The following NAALADL2 variants were observed in gnomAD, a reference collection of about 807,000 sequenced individuals.
The protein encoded by NAALADL2 is inactive N-acetylated-alpha-linked acidic dipeptidase-like protein 2.
NAALADL2 carries 76 observed loss-of-function variants against 87.2 expected under a neutral mutation model. That is an observed-to-expected ratio of 0.87 (90% CI 0.72 to 1.05). The LOEUF (loss-of-function observed/expected upper bound fraction) is 1.05, where lower values mean the gene tolerates loss of function less well. Ranked by LOEUF, NAALADL2 falls within the 50% of genes least tolerant of loss-of-function variation. The probability of loss-of-function intolerance (pLI) is 0.00; values close to 1 mark genes in which losing one functional copy is unlikely to be tolerated. For synonymous variants in NAALADL2, 354 were observed against 331.0 expected, an observed-to-expected ratio of 1.07 and a Z score of -0.75; for missense variants, 1,089 against 945.8, an observed-to-expected ratio of 1.15 and a Z score of -1.99.
rs57195579 is a variant in NAALADL2, at chr3:174,589,857, G to GT, written c.-115+39232dup. On this transcript the variant is annotated intron_variant, in intron 2 of 3. Coordinates refer to the NAALADL2 transcript ENST00000434257. ...GTAATAGGGTTGTTGTTGTTGCTGT[G>GT]TTTTTTTTTTTTGAAAAAAGTCATA... Among the ~76,000 whole-genome samples, 1,043 of 136,278 alleles carry GT rather than the reference G, an allele frequency of 7.7e-3. 5 individuals carry two copies. The highest frequency in any genetic ancestry group is 0.021 in the African/African-American group (797 of 37,334). 89.4% of individuals were successfully genotyped at this position (136,278 alleles called of 152,430 possible). A position where few individuals can be genotyped will look rare whatever the true frequency, so the allele number is the denominator to read the frequency against.
chr3:174,930,110 A>G (rs960835669), intron 1 of NAALADL2, among the ~76,000 whole-genome samples: 2 of 152,190 alleles, frequency 1.3e-5, no homozygotes, highest in Non-Finnish European at 2.9e-5. Flanking sequence ...GACATAATTG[A>G]GGGAAGGCTC....
chr3:175,326,877 G>A (rs1322565732), intron 5 of NAALADL2, among the ~76,000 whole-genome samples: 1 of 152,034 alleles, frequency 6.6e-6, no homozygotes, highest in African/African-American at 2.4e-5. Flanking sequence ...GGTTACTTTG[G>A]GGATCAAGTT....
intron 4 of NAALADL2, among the ~76,000 whole-genome samples, chr3:175,302,683 G>C (rs757693630): frequency 6.6e-6 from 1 of 151,984 alleles, no homozygotes; most frequent in Non-Finnish European, 1.5e-5. Context: ...CTATTTTCTA[G>C]TATAGTACAG....
chr3:174,748,519 G>A (rs746574382), intron 3 of NAALADL2, among the ~76,000 whole-genome samples: 1 of 152,148 alleles, frequency 6.6e-6, no homozygotes, highest in African/African-American at 2.4e-5. Context: ...AACTGTAAGG[G>A]AATAAATTCA....
Position 175,652,310 on chromosome 3 carries a change from A to G in NAALADL2, c.1896+24924A>G, listed in dbSNP as rs969672712. On this transcript the variant is annotated intron_variant, in intron 11 of 13. Transcript: ENST00000454872. ...CCAGGATGAATGAAATGTTTAAGAC[A>G]TATTTATTTTGCACGAGTTTAAATT... 6.6e-5 allele frequency among the ~76,000 whole-genome samples: 10 copies of G among 152,114 alleles called. 1 individual carries two copies. Among genetic ancestry groups the G allele is most frequent in the Admixed American group, 2.0e-4 (3 of 15,248 alleles).
At chr3:174,757,526 C>G (rs1311745217) in intron 3 of NAALADL2, among the ~76,000 whole-genome samples, 1 of 151,760 alleles carries the variant, frequency 6.6e-6, no homozygotes, top group East Asian at 1.9e-4. Flanking sequence ...GAGTCTCGCT[C>G]TGTCGCCCAG....
chr3:175,312,095 A>C (rs1274007308), intron 4 of NAALADL2, among the ~76,000 whole-genome samples: 1 of 152,184 alleles, frequency 6.6e-6, no homozygotes, highest in Non-Finnish European at 1.5e-5. Flanking sequence ...ATCTTACAAG[A>C]ATTTTTAGTG....
chr3:174,575,921 A>G (rs1371833753), intron 2 of NAALADL2, among the ~76,000 whole-genome samples: 1 of 152,000 alleles, frequency 6.6e-6, no homozygotes, highest in Non-Finnish European at 1.5e-5. Flanking sequence ...CTGGAGTGCA[A>G]TGTGCGATCT....
At chr3:175,760,043 G>A (rs191358951) in intron 13 of NAALADL2, among the ~76,000 whole-genome samples, 2 of 152,216 alleles carry the variant, frequency 1.3e-5, no homozygotes, top group East Asian at 1.9e-4. Flanking sequence ...GGAAAGGCAC[G>A]GGGTGAAAAG....
chr3:175,166,979 C>T (rs895908985), intron 2 of NAALADL2, among the ~76,000 whole-genome samples: 1 of 152,024 alleles, frequency 6.6e-6, no homozygotes, highest in East Asian at 1.9e-4. Flanking sequence ...TAAATGTGGC[C>T]TGAATATGCT....
chr3:175,118,254 A>G (rs1400550126), intron 2 of NAALADL2, among the ~76,000 whole-genome samples: 1 of 151,820 alleles, frequency 6.6e-6, no homozygotes. Flanking sequence ...AACTTAAAGT[A>G]TAATAATAAT....
intron 5 of NAALADL2, among the ~76,000 whole-genome samples, chr3:175,337,848 G>A (rs1762151185): frequency 6.6e-6 from 1 of 152,128 alleles, no homozygotes; most frequent in Non-Finnish European, 1.5e-5. Context: ...ACTATTAGAT[G>A]TTTCACTAGT....
chr3:175,284,568 T>TTTG (rs1358509398), intron 4 of NAALADL2, among the ~76,000 whole-genome samples: 1 of 152,102 alleles, frequency 6.6e-6, no homozygotes, highest in Non-Finnish European at 1.5e-5. Context: ...ATTTGTTTTC[T>TTTG]TTGTCTCTTA....
intron 3 of NAALADL2, among the ~76,000 whole-genome samples, chr3:174,831,663 G>T (rs1025543284): frequency 2.6e-5 from 4 of 151,110 alleles, no homozygotes; most frequent in African/African-American, 4.9e-5. Flanking sequence ...CTATTGATTG[G>T]AATAGTTTCA....
chr3:175,612,065 C>T (rs9842609), intron 10 of NAALADL2, among the ~76,000 whole-genome samples: 33,290 of 151,976 alleles, frequency 0.22, 4,328 homozygotes, highest in African/African-American at 0.36. Flanking sequence ...ATCTGTACTC[C>T]CTAGAAATAC....
At chr3:175,788,681 T>C (rs1421353865) in intron 13 of NAALADL2, among the ~76,000 whole-genome samples, 1 of 152,188 alleles carries the variant, frequency 6.6e-6, no homozygotes, top group Non-Finnish European at 1.5e-5. Flanking sequence ...AAGTAATATA[T>C]GACTGTAGTT....
intron 2 of NAALADL2, among the ~76,000 whole-genome samples, chr3:174,652,599 T>C (rs1312298734): frequency 1.2e-4 from 18 of 152,022 alleles, no homozygotes; most frequent in Admixed American, 1.2e-3. Flanking sequence ...GAGAACAGTA[T>C]GGGAAAAACC....
intron 10 of NAALADL2, among the ~76,000 whole-genome samples, chr3:175,613,970 TAC>T (rs1469766635): frequency 1.3e-5 from 2 of 152,198 alleles, no homozygotes; most frequent in East Asian, 3.8e-4. Context: ...GGTAAACATA[TAC>T]CTTTTACACA....
chr3:174,504,422 T>C (rs1719084875), intron 1 of NAALADL2, among the ~76,000 whole-genome samples: 1 of 152,112 alleles, frequency 6.6e-6, no homozygotes, highest in Non-Finnish European at 1.5e-5. Context: ...AAACCAGACA[T>C]GGCTCTACAT....
Sources: allele counts gnomAD v4.1 joint callset (sites outside exome capture counted in the v4.1 genomes callset), GRCh38; gene constraint gnomAD v4.1.1; transcripts MANE v1.5; gene names NCBI Gene and HGNC (gene_info 2026-07-23, HGNC 2026-07-21).